Variants in EIF4G3 observed in about 807,000 individuals in gnomAD.
EIF4G3 encodes eukaryotic translation initiation factor 4 gamma 3, also known as eIF-4-gamma 3.
A neutral mutation model predicts 186.4 loss-of-function variants in EIF4G3; 34 were observed. The observed-to-expected ratio is 0.18, with a 90% confidence interval of 0.14 to 0.24. The LOEUF is 0.24. Among genes scored for constraint, EIF4G3 ranks in the 10% least tolerant of loss-of-function variants. The probability of loss-of-function intolerance (pLI) is 1.00; values close to 1 mark genes in which losing one functional copy is unlikely to be tolerated. For synonymous variants in EIF4G3, 673 were observed against 679.5 expected (o/e 0.99, Z 0.15); for missense variants, 1,536 against 1,948.5 (o/e 0.79, Z 3.99).
chr1:20,846,798 A>G (rs993140905), intron 29 of EIF4G3, among the ~76,000 whole-genome samples: 3 of 152,214 alleles, frequency 2.0e-5, no homozygotes, highest in African/African-American at 7.2e-5. Context: ...TCTGCCACTT[A>G]CTACTTTAGA....
intron 29 of EIF4G3, chr1:20,847,898 G>C (rs1460841556): frequency 4.4e-6 from 2 of 459,116 alleles, no homozygotes; most frequent in Non-Finnish European, 8.9e-6. Context: ...TTGAACTATA[G>C]ATAACCAAGG....
At chr1:21,024,618 T>C (rs1310393702) in intron 4 of EIF4G3, among the ~76,000 whole-genome samples, 1 of 150,312 alleles carries the variant, frequency 6.7e-6, no homozygotes, top group Non-Finnish European at 1.5e-5. Flanking sequence ...CTGAAACATG[T>C]GCTGTGTCCA....
chr1:21,076,221 A>C lies in EIF4G3; in HGVS notation c.-196+12917T>G, dbSNP rs551889512. ...AAATAGATCTGTACAAATACATGGAAATTAGGCAATATCCTCCTGAATGAA... is the reference window on the plus strand; with the variant it reads ...AAATAGATCTGTACAAATACATGGACATTAGGCAATATCCTCCTGAATGAA... On this transcript the variant is annotated intron_variant, in intron 3 of 36. Transcript: ENST00000602326. Among the ~76,000 whole-genome samples, 57 of 152,344 alleles carry C rather than the reference A, an allele frequency of 3.7e-4. 1 individual carries two copies. In the South Asian group the frequency reaches 0.011, roughly 30 times the overall value.
At chr1:21,048,205 C>A (rs1490839753) in intron 4 of EIF4G3, among the ~76,000 whole-genome samples, 1 of 152,190 alleles carries the variant, frequency 6.6e-6, no homozygotes, top group East Asian at 1.9e-4. Context: ...TTTCAGAAAA[C>A]TTAAGTCCTT....
At chr1:20,829,710 G>A (rs967995951) in intron 30 of EIF4G3, among the ~76,000 whole-genome samples, 2 of 152,136 alleles carry the variant, frequency 1.3e-5, no homozygotes, top group African/African-American at 4.8e-5. Flanking sequence ...AACACTTACT[G>A]TAAAACACAA....
intron 2 of EIF4G3, among the ~76,000 whole-genome samples, chr1:21,139,220 A>C (rs2097298251): frequency 6.6e-6 from 1 of 152,162 alleles, no homozygotes. Flanking sequence ...TTATACTATT[A>C]CTCTAGAAAA....
rs1032869758 is a variant in EIF4G3 at position 21,151,383 on chromosome 1, C to T, written c.-272+24792G>A. 2.6e-5 allele frequency among the ~76,000 whole-genome samples: 4 copies of T among 151,364 alleles called. No individual in the cohort carries two copies. In the South Asian group the frequency reaches 8.3e-4, roughly 32 times the overall value. Reference sequence around the variant, plus strand: ...CCTCCCAAGTAGCTGGGGTTACAGGCGCCCGCCACCACACCTGGCTAATTT... The same window carrying T: ...CCTCCCAAGTAGCTGGGGTTACAGGTGCCCGCCACCACACCTGGCTAATTT... On this transcript the variant is annotated intron_variant, in intron 2 of 36. Transcript: ENST00000602326.
rs1313353371 is a variant in EIF4G3, at chr1:20,806,700, C to T, written c.*619G>A. 11 of 150,552 alleles carry T rather than the reference C, an allele frequency of 7.3e-5. No individual in the cohort carries two copies. Among genetic ancestry groups the T allele is most frequent in the African/African-American group, 2.7e-4 (11 of 40,788 alleles). The allele number at this position is 150,552 out of a possible 1,614,324, so 9.3% of individuals were successfully genotyped here. A position where few individuals can be genotyped will look rare whatever the true frequency, so the allele number is the denominator to read the frequency against. On this transcript the variant is annotated 3_prime_UTR_variant, in exon 37 of 37. Transcript: ENST00000602326. ...TGGAGTTCTGTGGTCCACAGCATTT[C>T]CTTCTGTTTCAATGTTATGTATGTT... is the stretch of plus-strand genomic sequence containing the variant.
At chr1:20,926,701 A>AT (rs1215765126) in intron 14 of EIF4G3, among the ~76,000 whole-genome samples, 3 of 151,094 alleles carry the variant, frequency 2.0e-5, no homozygotes, top group Non-Finnish European at 4.4e-5. Context: ...AAAAACTACA[A>AT]TTTTTTCTTA....
Position 20,853,595 on chromosome 1 carries a change from C to T in EIF4G3, c.3516G>A (p.Thr1172=), listed in dbSNP as rs146342611. The part of the protein sequence containing the change: ...PPAPSGSTPS[T]PVEFDSRRTL... ...TCCTTCGGGAATCAAACTCTACAGG[C>T]GTGGATGGCGTGGACCCTGAGGGTG... Residue 1172 remains threonine, a synonymous_variant, in exon 27 of 37, where the codon ACG becomes ACA. Coordinates refer to ENST00000602326, the MANE Select transcript of EIF4G3 (RefSeq NM_001391906.1). 88 of 1,613,662 alleles carry T rather than the reference C, an allele frequency of 5.5e-5. No homozygotes were observed. The highest frequency in any genetic ancestry group is 1.7e-4 in the African/African-American group (13 of 74,892).
At chr1:21,123,455 A>C (rs1218240005) in intron 2 of EIF4G3, among the ~76,000 whole-genome samples, 3 of 151,700 alleles carry the variant, frequency 2.0e-5, no homozygotes, top group Admixed American at 6.6e-5. Flanking sequence ...TCCCAGCTAC[A>C]CAGGAGGCTG....
intron 3 of EIF4G3, among the ~76,000 whole-genome samples, chr1:21,060,181 C>T (rs764154763): frequency 6.6e-6 from 1 of 152,110 alleles, no homozygotes; most frequent in Non-Finnish European, 1.5e-5. Flanking sequence ...AACTTCTAGG[C>T]TCAAGGGGTC....
chr1:20,903,310 A>G (rs1201327033), intron 15 of EIF4G3, among the ~76,000 whole-genome samples: 1 of 152,208 alleles, frequency 6.6e-6, no homozygotes, highest in Non-Finnish European at 1.5e-5. Context: ...CCTTTACACA[A>G]AAAGTTTGGT....
intron 3 of EIF4G3, among the ~76,000 whole-genome samples, chr1:21,075,440 G>C (rs1447942184): frequency 1.3e-5 from 2 of 151,578 alleles, no homozygotes; most frequent in African/African-American, 2.4e-5. Context: ...ATGGTGGTGG[G>C]TGCCGGTAAT....
intron 16 of EIF4G3, among the ~76,000 whole-genome samples, chr1:20,897,454 T>A (rs1006297599): frequency 1.5e-4 from 23 of 151,738 alleles, no homozygotes; most frequent in Non-Finnish European, 2.9e-4. Flanking sequence ...AGAAACAACT[T>A]ATTTAAGATA....
intron 2 of EIF4G3, among the ~76,000 whole-genome samples, chr1:21,122,471 G>A (rs2096943038): frequency 2.0e-5 from 3 of 152,178 alleles, no homozygotes; most frequent in African/African-American, 7.2e-5. Context: ...CAAGGTGACA[G>A]AAAAGGAGAA....
intron 4 of EIF4G3, among the ~76,000 whole-genome samples, chr1:21,011,071 A>G (rs960174358): frequency 6.6e-6 from 1 of 152,184 alleles, no homozygotes; most frequent in Non-Finnish European, 1.5e-5. Context: ...GGATGTAGCT[A>G]CTAGTAAATC....
At chr1:21,080,440 C>CA (rs1246722978) in intron 3 of EIF4G3, among the ~76,000 whole-genome samples, 4 of 145,632 alleles carry the variant, frequency 2.7e-5, no homozygotes, top group Admixed American at 6.8e-5. Flanking sequence ...GACCCCGTCT[C>CA]AAAAAAAAGA....
At chr1:20,958,374 A>C (rs575745472) in intron 12 of EIF4G3, among the ~76,000 whole-genome samples, 1 of 152,182 alleles carries the variant, frequency 6.6e-6, no homozygotes, top group Non-Finnish European at 1.5e-5. Context: ...TCCTCAACCA[A>C]GTAGGCAAAA....
Sources: gnomAD v4.1 joint callset for allele counts (sites outside exome capture counted in the v4.1 genomes callset) on GRCh38, gnomAD v4.1.1 for gene constraint, MANE v1.5 for transcripts, NCBI Gene and HGNC (gene_info 2026-07-23, HGNC 2026-07-21) for gene names.